The following TSC22D1 variants were observed in gnomAD, a reference collection of about 807,000 sequenced individuals.
TSC22D1 encodes the protein TSC22 domain family member 1.
In TSC22D1, 9 loss-of-function variants were observed where a neutral mutation model predicts 74.2. That is an observed-to-expected ratio of 0.12 (90% confidence interval 0.07 to 0.21). TSC22D1 has a LOEUF of 0.21. TSC22D1 is among the 10% of genes least tolerant of loss of function. TSC22D1 has a pLI of 1.00. For synonymous variants in TSC22D1, 586 were observed against 492.5 expected (o/e 1.19, Z -2.51); for missense variants, 1,427 against 1,304.7 (o/e 1.09, Z -1.44).
chr13:44,453,031 T>C (rs1876277292), intron 1 of TSC22D1, among the ~76,000 whole-genome samples: 1 of 152,228 alleles, frequency 6.6e-6, no homozygotes, highest in Non-Finnish European at 1.5e-5. Flanking sequence ...TGAAAAAAGA[T>C]TTTGCAGTTA....
At chr13:44,544,172 G>C (rs1193411813) in intron 1 of TSC22D1, among the ~76,000 whole-genome samples, 1 of 152,106 alleles carries the variant, frequency 6.6e-6, no homozygotes, top group Non-Finnish European at 1.5e-5. Context: ...TAATTTTTTA[G>C]TATAGTTAGC....
At chr13:44,508,602 CACATT>C (rs1879545255) in intron 1 of TSC22D1, among the ~76,000 whole-genome samples, 1 of 152,114 alleles carries the variant, frequency 6.6e-6, no homozygotes, top group Non-Finnish European at 1.5e-5. Context: ...TTTTTAAAGG[CACATT>C]AGACTATGTT....
intron 1 of TSC22D1, among the ~76,000 whole-genome samples, chr13:44,463,124 G>C (rs1363960480): frequency 6.6e-6 from 1 of 152,064 alleles, no homozygotes; most frequent in African/African-American, 2.4e-5. Context: ...TATTGCCTAT[G>C]AGTTTCTCAT....
intron 1 of TSC22D1, among the ~76,000 whole-genome samples, chr13:44,564,384 A>T (rs866036613): frequency 1.3e-5 from 2 of 152,328 alleles, no homozygotes; most frequent in Middle Eastern, 3.4e-3. Context: ...GAAAAGAACA[A>T]GGTGCTATTA....
At position 44,576,312 on chromosome 13, in the gene TSC22D1, G is replaced by A; in HGVS notation, c.-238C>T. Reference sequence around the variant, plus strand: ...GGGACCCGAAGGGGGGATCCCTTCAGTCCTTCGCCATTCACTTTCCCCTCT... The same window carrying A: ...GGGACCCGAAGGGGGGATCCCTTCAATCCTTCGCCATTCACTTTCCCCTCT... On this transcript the variant is annotated 5_prime_UTR_variant, in exon 1 of 3. Coordinates refer to ENST00000458659, the MANE Select transcript of TSC22D1 (RefSeq NM_183422.4). 1 of 544,940 alleles carries A rather than the reference G, an allele frequency of 1.8e-6. No homozygotes were observed. The highest frequency in any genetic ancestry group is 3.2e-6 in the Non-Finnish European group (1 of 312,656). 33.8% of individuals were successfully genotyped at this position (544,940 alleles called of 1,614,324 possible).
intron 1 of TSC22D1, among the ~76,000 whole-genome samples, chr13:44,514,877 A>C (rs2138020574): frequency 6.6e-6 from 1 of 152,210 alleles, no homozygotes; most frequent in South Asian, 2.1e-4. Context: ...AAAATAAATA[A>C]ATAAAAGAAG....
chr13:44,509,950 C>CAAAAAAAAAAAAAAAAAAAAAAAAG, intron 1 of TSC22D1, among the ~76,000 whole-genome samples: 3 of 51,426 alleles, frequency 5.8e-5, no homozygotes, highest in Admixed American at 2.7e-4. Flanking sequence ...AGAAAATAAG[C>CAAAAAAAAAAAAAAAAAAAAAAAAG]AAAAAAAAAA....
intron 1 of TSC22D1, among the ~76,000 whole-genome samples, chr13:44,488,455 T>TC (rs1643381147): frequency 6.6e-6 from 1 of 152,218 alleles, no homozygotes; most frequent in South Asian, 2.1e-4. Context: ...TTGCTTTTTT[T>TC]CCACTGTGAC....
At chr13:44,505,666 CTG>C (rs1467668958) in intron 1 of TSC22D1, among the ~76,000 whole-genome samples, 7 of 152,318 alleles carry the variant, frequency 4.6e-5, no homozygotes, top group African/African-American at 1.7e-4. Context: ...AGAAAAAACT[CTG>C]TGATTTCACT....
chr13:44,441,364 A>AAAGGCAG (rs1875186559), intron 1 of TSC22D1, among the ~76,000 whole-genome samples: 1 of 152,260 alleles, frequency 6.6e-6, no homozygotes, highest in Non-Finnish European at 1.5e-5. Flanking sequence ...AGATAAGCTC[A>AAAGGCAG]AAGGCAGTTT....
intron 1 of TSC22D1, among the ~76,000 whole-genome samples, chr13:44,485,219 GAACT>G (rs1878373136): frequency 6.6e-6 from 1 of 151,852 alleles, no homozygotes; most frequent in South Asian, 2.1e-4. Context: ...CCATCACCAA[GAACT>G]AATAAAGTAC....
intron 1 of TSC22D1, among the ~76,000 whole-genome samples, chr13:44,450,317 G>A (rs1876019641): frequency 6.6e-6 from 1 of 152,172 alleles, no homozygotes; most frequent in African/African-American, 2.4e-5. Flanking sequence ...GCAGTAGAAG[G>A]AAAAAAGTTT....
intron 1 of TSC22D1, among the ~76,000 whole-genome samples, chr13:44,475,405 G>A (rs1877851783): frequency 6.6e-6 from 1 of 151,250 alleles, no homozygotes; most frequent in African/African-American, 2.4e-5. Flanking sequence ...ATTGGGATAA[G>A]GATTTCAAGG....
chr13:44,454,636 G>A (rs1427201688), intron 1 of TSC22D1, among the ~76,000 whole-genome samples: 2 of 152,062 alleles, frequency 1.3e-5, no homozygotes. Flanking sequence ...CAGAAGTTTT[G>A]TTTACTAATA....
At chr13:44,488,634 CAAAAT>C (rs1878562054) in intron 1 of TSC22D1, among the ~76,000 whole-genome samples, 1 of 151,920 alleles carries the variant, frequency 6.6e-6, no homozygotes, top group Non-Finnish European at 1.5e-5. Flanking sequence ...CACAGAAAAA[CAAAAT>C]AATATATAAA....
chr13:44,437,150 C>A, intron 1 of TSC22D1: 1 of 985,634 alleles, frequency 1.0e-6, no homozygotes, highest in Non-Finnish European at 1.2e-6. Flanking sequence ...CTGAAAAATA[C>A]TATGGGGGCC....
intron 1 of TSC22D1, among the ~76,000 whole-genome samples, chr13:44,524,165 T>C (rs780807557): frequency 4.6e-5 from 7 of 152,174 alleles, no homozygotes; most frequent in Non-Finnish European, 1.0e-4. Context: ...AGCCTACTTC[T>C]AAGTCGTGGG....
At chr13:44,451,228 C>A (rs555257863) in intron 1 of TSC22D1, among the ~76,000 whole-genome samples, 2 of 152,190 alleles carry the variant, frequency 1.3e-5, no homozygotes, top group Non-Finnish European at 1.5e-5. Flanking sequence ...AACAGACAGA[C>A]GGCAGCTGCA....
chr13:44,497,498 T>C (rs1879029077), intron 1 of TSC22D1, among the ~76,000 whole-genome samples: 2 of 152,214 alleles, frequency 1.3e-5, no homozygotes, highest in Non-Finnish European at 2.9e-5. Context: ...TATTGAATTA[T>C]ATAGTTCAAA....
Sources: gnomAD v4.1 joint callset for allele counts (sites outside exome capture counted in the v4.1 genomes callset) on GRCh38, gnomAD v4.1.1 for gene constraint, MANE v1.5 for transcripts, NCBI Gene and HGNC (gene_info 2026-07-23, HGNC 2026-07-21) for gene names.